Variants in CNTN6 observed in about 807,000 individuals in gnomAD.
The protein encoded by CNTN6 is contactin 6, also known as contactin-6.
CNTN6 carries 137 observed loss-of-function variants against 122.8 expected under a neutral mutation model. The ratio of observed to expected loss-of-function variants is 1.12; its 90% CI spans 0.97 to 1.29. CNTN6 has a LOEUF of 1.29. Ranked by LOEUF, CNTN6 falls within the 50% of genes most tolerant of loss-of-function variation. The pLI, the probability that CNTN6 is intolerant of heterozygous loss-of-function variation, is 0.00. For synonymous variants in CNTN6, 570 were observed against 426.0 expected (o/e 1.34, Z -4.16); for missense variants, 1,634 against 1,223.4 (o/e 1.34, Z -5.01).
At chr3:1,169,970 C>T (rs1030767524) in intron 2 of CNTN6, among the ~76,000 whole-genome samples, 8 of 152,078 alleles carry the variant, frequency 5.3e-5, no homozygotes, top group Non-Finnish European at 2.9e-5. Context: ...TGCGGTGGCT[C>T]ATGCCTGTAA....
chr3:1,375,943 T>A (rs1425465482), intron 16 of CNTN6, among the ~76,000 whole-genome samples: 1 of 152,194 alleles, frequency 6.6e-6, no homozygotes, highest in African/African-American at 2.4e-5. Flanking sequence ...GTGGTCTATA[T>A]GGTGGGGAAA....
chr3:1,320,521 C>G (rs911823316), intron 7 of CNTN6, among the ~76,000 whole-genome samples: 5 of 151,702 alleles, frequency 3.3e-5, no homozygotes, highest in African/African-American at 9.7e-5. Context: ...CTTCTGCTGA[C>G]TTGAAGAAAT....
intron 7 of CNTN6, among the ~76,000 whole-genome samples, chr3:1,312,365 C>G (rs940274201): frequency 1.3e-4 from 20 of 151,958 alleles, no homozygotes; most frequent in Non-Finnish European, 2.6e-4. Context: ...ACTCATCATC[C>G]TTTCCATCCC....
intron 10 of CNTN6, among the ~76,000 whole-genome samples, chr3:1,329,573 A>C (rs1035469237): frequency 5.9e-5 from 9 of 151,798 alleles, no homozygotes; most frequent in Admixed American, 2.6e-4. Context: ...TAACTCTCTA[A>C]GGTAATATCT....
intron 11 of CNTN6, among the ~76,000 whole-genome samples, chr3:1,345,490 A>G (rs1034009781): frequency 6.6e-6 from 1 of 152,188 alleles, no homozygotes; most frequent in Non-Finnish European, 1.5e-5. Flanking sequence ...TTAAATGAGC[A>G]AACTTTGTAA....
chr3:1,208,513 C>T (rs1217115677), intron 2 of CNTN6, among the ~76,000 whole-genome samples: 3 of 152,042 alleles, frequency 2.0e-5, no homozygotes, highest in South Asian at 4.1e-4. Flanking sequence ...CTTCTCTGGG[C>T]TCCTTTAAAA....
chr3:1,229,713 A>G (rs1379537538), intron 4 of CNTN6, among the ~76,000 whole-genome samples: 2 of 152,184 alleles, frequency 1.3e-5, no homozygotes, highest in Non-Finnish European at 1.5e-5. Flanking sequence ...AAAAGTCTCA[A>G]TTAAGAAGAA....
At chr3:1,279,214 C>T (rs189112376) in intron 5 of CNTN6, among the ~76,000 whole-genome samples, 175 of 152,268 alleles carry the variant, frequency 1.1e-3, no homozygotes, top group African/African-American at 3.5e-3. Flanking sequence ...TGGACTGGCC[C>T]GTTGTCAGGG....
At chr3:1,337,977 A>G (rs983811137) in intron 11 of CNTN6, among the ~76,000 whole-genome samples, 1 of 152,044 alleles carries the variant, frequency 6.6e-6, no homozygotes, top group Non-Finnish European at 1.5e-5. Context: ...AACCACCCAG[A>G]TGCCATGGTC....
intron 2 of CNTN6, among the ~76,000 whole-genome samples, chr3:1,219,638 C>G (rs903391651): frequency 7.9e-5 from 12 of 152,154 alleles, no homozygotes; most frequent in African/African-American, 2.7e-4. Flanking sequence ...TACCACATAA[C>G]TGCCTTGTGA....
rs1701697563 is a variant in CNTN6, at chr3:1,327,485, T to C, written c.1112T>C (p.Leu371Pro). The C allele has an allele frequency of 1.2e-6, 2 of 1,610,518 alleles. No homozygotes were observed. ...EERIQIENGTLIITMLNVSDS... is the reference protein window; with the variant it reads ...EERIQIENGTPIITMLNVSDS... ...AGAATTCAAATAGAAAATGGGACAC[T>C]CATCATAACGATGCTGAATGTGTCA... Residue 371 changes from leucine to proline, a missense_variant, in exon 10 of 23, where the codon CTC becomes CCC. Physicochemically the swap from Leu to Pro is moderately conservative, Grantham distance 98. Coordinates refer to ENST00000446702, the MANE Select transcript of CNTN6 (RefSeq NM_001289080.2).
chr3:1,236,849 G>C (rs1332607675), intron 4 of CNTN6, among the ~76,000 whole-genome samples: 2 of 152,100 alleles, frequency 1.3e-5, no homozygotes, highest in African/African-American at 4.8e-5. Flanking sequence ...GGGAGGCTGA[G>C]GCGGGTGGAT....
At position 1,388,326 on chromosome 3, in the gene CNTN6, T is replaced by C. The variant is rs539279667; in HGVS notation, c.2704+2529T>C. On this transcript the variant is annotated intron_variant, in intron 20 of 22. Transcript: ENST00000446702. ...CACTGACACCTCACACGGCAGGGTA[T>C]GCCAACAGACCTGAAGCTGAGGGTC... Among the ~76,000 whole-genome samples, 1,357 of 142,914 alleles carry C rather than the reference T, an allele frequency of 9.5e-3. 28 individuals carry two copies. The highest frequency in any genetic ancestry group is 0.016 in the East Asian group (79 of 4,940). 93.8% of individuals were successfully genotyped at this position (142,914 alleles called of 152,430 possible). A position where few individuals can be genotyped will look rare whatever the true frequency, so the allele number is the denominator to read the frequency against.
At chr3:1,158,849 CAT>C (rs375648015) in intron 2 of CNTN6, among the ~76,000 whole-genome samples, 8 of 54,354 alleles carry the variant, frequency 1.5e-4, no homozygotes, top group African/African-American at 5.9e-4. Context: ...CATATATATA[CAT>C]ACATATATAT....
chr3:1,401,238 G>T (rs935115775), intron 20 of CNTN6, 195 bp from the exon 21 acceptor site: 7 of 508,488 alleles, frequency 1.4e-5, no homozygotes, highest in African/African-American at 8.0e-5. Context: ...TGTCACAAAG[G>T]CATTCCCAAA....
intron 4 of CNTN6, among the ~76,000 whole-genome samples, chr3:1,244,249 G>T (rs60438340): frequency 0.68 from 103,376 of 151,816 alleles, 36,389 homozygotes; most frequent in East Asian, 0.91. Flanking sequence ...GGTGGAAGGT[G>T]GCCCATAGTG....
intron 11 of CNTN6, among the ~76,000 whole-genome samples, chr3:1,341,065 A>G (rs1293085827): frequency 1.3e-5 from 2 of 152,202 alleles, no homozygotes; most frequent in African/African-American, 4.8e-5. Context: ...TAAATGTAAT[A>G]ATAGCATAGG....
At chr3:1,198,709 C>T (rs967567949) in intron 2 of CNTN6, among the ~76,000 whole-genome samples, 3 of 140,318 alleles carry the variant, frequency 2.1e-5, no homozygotes, top group East Asian at 2.1e-4. Flanking sequence ...GCAACAAGAA[C>T]GAAACTGTCT....
intron 17 of CNTN6, among the ~76,000 whole-genome samples, chr3:1,378,547 C>T (rs759944214): frequency 4.6e-5 from 7 of 152,072 alleles, no homozygotes; most frequent in Admixed American, 2.0e-4. Flanking sequence ...CCTCCATGAA[C>T]ACTTGTTGAA....
Sources: allele counts gnomAD v4.1 joint callset (sites outside exome capture counted in the v4.1 genomes callset), GRCh38; gene constraint gnomAD v4.1.1; transcripts MANE v1.5; gene names NCBI Gene and HGNC (gene_info 2026-07-23, HGNC 2026-07-21).